CENPE: variants seen among roughly 807,000 people sequenced by gnomAD.
CENPE encodes centromere protein E.
A neutral mutation model predicts 336.1 loss-of-function variants in CENPE; 145 were observed. The observed-to-expected ratio is 0.43, with a 90% CI of 0.38 to 0.50. CENPE has a LOEUF of 0.50. Ranked by LOEUF, CENPE falls within the 20% of genes least tolerant of loss-of-function variation. The probability of loss-of-function intolerance (pLI) is 0.00; values close to 1 mark genes in which losing one functional copy is unlikely to be tolerated. For missense variants in CENPE, 2,719 were observed against 3,023.3 expected, an observed-to-expected ratio of 0.90 and a Z score of 2.36; for synonymous variants, 1,013 against 984.8, an observed-to-expected ratio of 1.03 and a Z score of -0.54.
chr4:103,189,781 G>A (rs1359836722), intron 8 of CENPE, among the ~76,000 whole-genome samples: 5 of 152,170 alleles, frequency 3.3e-5, no homozygotes, highest in African/African-American at 1.2e-4. Flanking sequence ...AGTGTTGGAA[G>A]TTCTGGCCAG....
intron 8 of CENPE, among the ~76,000 whole-genome samples, chr4:103,187,345 G>T (rs1336084972): frequency 2.0e-5 from 3 of 152,118 alleles, no homozygotes; most frequent in Non-Finnish European, 2.9e-5. Context: ...ACACATAATT[G>T]TCAGATTCAC....
chr4:103,175,936 A>C (rs910375751), intron 15 of CENPE, 24 bp downstream of exon 15: 3 of 1,368,310 alleles, frequency 2.2e-6, no homozygotes, highest in Non-Finnish European at 3.1e-6. Context: ...AAAGCATTAT[A>C]TGCTGTAAAA....
chr4:103,109,554 G>A (rs1276488128), intron 47 of CENPE, among the ~76,000 whole-genome samples: 1 of 152,134 alleles, frequency 6.6e-6, no homozygotes, highest in Non-Finnish European at 1.5e-5. Flanking sequence ...CATTTATCCA[G>A]TTCCTCCGGA....
chr4:103,198,336 G>C lies in CENPE; in HGVS notation c.-17C>G. The C allele has an allele frequency of 1.9e-6, 3 of 1,551,070 alleles. No homozygotes were observed. Among genetic ancestry groups the C allele is most frequent in the Non-Finnish European group, 2.6e-6 (3 of 1,146,692 alleles). ...CTCCGCCATCCTATCAGGCTGAACT[G>C]GTCCCAGGAAAATGGCCAGGACCCT... is the stretch of plus-strand genomic sequence containing the variant. On this transcript the variant is annotated 5_prime_UTR_variant, in exon 1 of 49. Transcript: ENST00000265148.
chr4:103,126,472 T>C (rs1167067998), intron 42 of CENPE, among the ~76,000 whole-genome samples: 1 of 152,148 alleles, frequency 6.6e-6, no homozygotes, highest in Non-Finnish European at 1.5e-5. Context: ...ACTACATTAC[T>C]AAAGGCCTAT....
Position 103,198,334 on chromosome 4 carries a change from C to T in CENPE, c.-15G>A, listed in dbSNP as rs1249373382. On this transcript the variant is annotated 5_prime_UTR_variant, in exon 1 of 49. Coordinates refer to ENST00000265148, the MANE Select transcript of CENPE (RefSeq NM_001813.3). ...TCCTCCGCCATCCTATCAGGCTGAA[C>T]TGGTCCCAGGAAAATGGCCAGGACC... The T allele has an allele frequency of 6.4e-7, 1 of 1,551,228 alleles. No individual in the cohort carries two copies.
intron 45 of CENPE, among the ~76,000 whole-genome samples, chr4:103,114,769 G>A (rs538408280): frequency 4.9e-4 from 74 of 152,292 alleles, no homozygotes; most frequent in African/African-American, 1.6e-3. Flanking sequence ...GGGACAGTCC[G>A]ATTTTCTTAT....
intron 47 of CENPE, among the ~76,000 whole-genome samples, chr4:103,109,639 C>A (rs1474654881): frequency 6.6e-6 from 1 of 152,190 alleles, no homozygotes; most frequent in Admixed American, 6.5e-5. Context: ...GATACACTCT[C>A]ATCCTATCTA....
intron 46 of CENPE, among the ~76,000 whole-genome samples, chr4:103,114,067 G>C (rs551876597): frequency 6.6e-6 from 1 of 152,112 alleles, no homozygotes; most frequent in African/African-American, 2.4e-5. Context: ...TATTTTTACT[G>C]TACACCAATT....
At chr4:103,136,382 C>T (rs1464040444) in intron 39 of CENPE, 23 bp from the exon 40 acceptor site, 1 of 1,463,338 alleles carries the variant, frequency 6.8e-7, no homozygotes, top group Non-Finnish European at 9.4e-7. Context: ...AGAATTCACT[C>T]AATTTATAAC....
chr4:103,133,815 A>G lies in CENPE; in HGVS notation c.6600T>C (p.Asp2200=), dbSNP rs1403968692. 16 of 1,605,368 alleles carry G rather than the reference A, an allele frequency of 1.0e-5. No individual in the cohort carries two copies. Among genetic ancestry groups the G allele is most frequent in the Non-Finnish European group, 1.4e-5 (16 of 1,173,510 alleles). The change falls in exon 41 of 49, where the codon GAT becomes GAC. Residue 2200 remains aspartate, a synonymous_variant. Coordinates refer to ENST00000265148, the MANE Select transcript of CENPE (RefSeq NM_001813.3). ...GCAATTCCTTTTGCTTTTCCACTTC[A>G]TCAATAAAATCCATTTCAAATTTAT... ...SINKFEMDFI[D]EVEKQKELLI...
In CENPE at chr4:103,182,746, T is replaced by TA. The variant is rs1756429696; in HGVS notation, c.963+15dup. ...GATCTTCCCCTATATTAAGCTGAGA[T>TA]AAAAATCAAACTCACCTGGAGAGCA... is the stretch of plus-strand genomic sequence containing the variant. On this transcript the variant is annotated intron_variant, in intron 11 of 48. Coordinates refer to ENST00000265148, the MANE Select transcript of CENPE (RefSeq NM_001813.3). 1 of 1,581,276 alleles carries TA rather than the reference T, an allele frequency of 6.3e-7. No individual in the cohort carries two copies. The highest frequency in any genetic ancestry group is 2.3e-5 in the East Asian group (1 of 44,104).
At position 103,145,342 on chromosome 4, in the gene CENPE, A is replaced by T. The variant is rs780644593; in HGVS notation, c.4573-8T>A. 52 of 1,485,642 alleles carry T rather than the reference A, an allele frequency of 3.5e-5. No individual in the cohort carries two copies. Among genetic ancestry groups the T allele is most frequent in the African/African-American group, 7.1e-5 (5 of 70,756 alleles). 92.0% of individuals were successfully genotyped at this position (1,485,642 alleles called of 1,614,324 possible). On this transcript the variant is annotated splice_polypyrimidine_tract_variant and splice_region_variant and intron_variant, in intron 31 of 48. Transcript: ENST00000265148. ...CTCATAAATCTCTTGGATCTTAAAC[A>T]TAATTATAAAATAAGTTAATAGTCA...
chr4:103,126,769 A>C (rs1560603590), intron 42 of CENPE, among the ~76,000 whole-genome samples: 1 of 152,218 alleles, frequency 6.6e-6, no homozygotes, highest in Non-Finnish European at 1.5e-5. Context: ...TAGAGATCAA[A>C]AATGCTCTTA....
Position 103,151,248 on chromosome 4 carries a change from C to T in CENPE, c.3367G>A (p.Ala1123Thr). ...GELSRTCDRL[A>T]EVEEKLKEKS... Reference sequence around the variant, plus strand: ...TCCTTTAGTTTTTCTTCAACTTCTGCCAGTCTGTCACAGGTCCTAGAAAGC... The same window carrying T: ...TCCTTTAGTTTTTCTTCAACTTCTGTCAGTCTGTCACAGGTCCTAGAAAGC... The change falls in exon 26 of 49, where the codon GCA becomes ACA. Residue 1123 changes from alanine to threonine, a missense_variant. Transcript: ENST00000265148. The T allele has an allele frequency of 6.3e-7, 1 of 1,598,434 alleles. No individual in the cohort carries two copies. Among genetic ancestry groups the T allele is most frequent in the Non-Finnish European group, 8.5e-7 (1 of 1,176,488 alleles).
At chr4:103,168,398 G>A (rs1489447815) in intron 16 of CENPE, among the ~76,000 whole-genome samples, 3 of 152,170 alleles carry the variant, frequency 2.0e-5, no homozygotes, top group Admixed American at 6.5e-5. Flanking sequence ...TGCCTGTGTA[G>A]GACAGGCCTG....
intron 47 of CENPE, among the ~76,000 whole-genome samples, chr4:103,109,847 G>A (rs1749231307): frequency 6.6e-6 from 1 of 152,044 alleles, no homozygotes; most frequent in African/African-American, 2.4e-5. Context: ...TTACATTTAG[G>A]ATACCACTCC....
intron 42 of CENPE, among the ~76,000 whole-genome samples, chr4:103,126,467 A>C (rs540073574): frequency 2.7e-4 from 41 of 152,284 alleles, no homozygotes; most frequent in Middle Eastern, 6.8e-3. Context: ...TTGCCACTAC[A>C]TTACTAAAGG....
chr4:103,136,863 C>T (rs1752115120), intron 39 of CENPE, among the ~76,000 whole-genome samples: 1 of 152,120 alleles, frequency 6.6e-6, no homozygotes, highest in South Asian at 2.1e-4. Flanking sequence ...TGTTTTCTAA[C>T]CCTTTATCAG....
Sources: gnomAD v4.1 joint callset for allele counts (sites outside exome capture counted in the v4.1 genomes callset) on GRCh38, gnomAD v4.1.1 for gene constraint, MANE v1.5 for transcripts, NCBI Gene and HGNC (gene_info 2026-07-23, HGNC 2026-07-21) for gene names.